CFAP77: variants seen among roughly 807,000 people sequenced by gnomAD.
CFAP77 encodes the protein cilia and flagella associated protein 77.
Under a neutral mutation model 31.1 loss-of-function variants are expected in CFAP77, and 25 were observed. The observed-to-expected ratio is 0.80, with a 90% CI of 0.59 to 1.12. The LOEUF is 1.12. Among genes scored for constraint, CFAP77 ranks in the 50% most tolerant of loss-of-function variants. The probability of loss-of-function intolerance (pLI) is 0.00; values close to 1 mark genes in which losing one functional copy is unlikely to be tolerated. For synonymous variants in CFAP77, 151 were observed against 159.9 expected, an observed-to-expected ratio of 0.94 and a Z score of 0.42; for missense variants, 377 against 397.3, an observed-to-expected ratio of 0.95 and a Z score of 0.44.
chr9:132,450,886 C>T (rs1204316671), intron 1 of CFAP77, among the ~76,000 whole-genome samples: 1 of 152,112 alleles, frequency 6.6e-6, no homozygotes, highest in Non-Finnish European at 1.5e-5. Context: ...GGGCAAGAAA[C>T]AAATGAATGG....
At chr9:132,483,878 A>C (rs748798178) in intron 1 of CFAP77, among the ~76,000 whole-genome samples, 17 of 151,632 alleles carry the variant, frequency 1.1e-4, no homozygotes, top group Non-Finnish European at 2.2e-4. Context: ...TAAGGGAGAA[A>C]GAGTTTCCTC....
chr9:132,529,701 C>T (rs1852404391), intron 3 of CFAP77, among the ~76,000 whole-genome samples: 1 of 151,428 alleles, frequency 6.6e-6, no homozygotes, highest in Admixed American at 6.6e-5. Flanking sequence ...TGGCAGGCAC[C>T]TGTAATCCCA....
At chr9:132,444,537 G>A (rs1298369087) in intron 1 of CFAP77, among the ~76,000 whole-genome samples, 1 of 152,182 alleles carries the variant, frequency 6.6e-6, no homozygotes, top group Non-Finnish European at 1.5e-5. Context: ...GGTGCCTGTG[G>A]TTAGATTCAA....
intron 1 of CFAP77, among the ~76,000 whole-genome samples, chr9:132,496,234 G>A (rs1282078718): frequency 6.6e-6 from 1 of 152,020 alleles, no homozygotes; most frequent in African/African-American, 2.4e-5. Flanking sequence ...ATAAAGATTA[G>A]ATCCCTTTCC....
At chr9:132,437,547 T>G (rs1410033938) in intron 1 of CFAP77, among the ~76,000 whole-genome samples, 2 of 144,996 alleles carry the variant, frequency 1.4e-5, no homozygotes, top group African/African-American at 2.6e-5. Flanking sequence ...TCTCACTCTG[T>G]CACCCAGGCT....
intron 1 of CFAP77, among the ~76,000 whole-genome samples, chr9:132,430,496 G>T (rs111644164): frequency 8.1e-4 from 123 of 152,262 alleles, no homozygotes; most frequent in African/African-American, 2.9e-3. Context: ...ATGCAGCCAA[G>T]AATGTTTCCA....
chr9:132,522,812 TGTTCG>T (rs1373225623), intron 3 of CFAP77, among the ~76,000 whole-genome samples: 1 of 152,222 alleles, frequency 6.6e-6, no homozygotes, highest in Non-Finnish European at 1.5e-5. Context: ...TCTGATCTGA[TGTTCG>T]GTGTGGACCT....
At chr9:132,438,541 A>ATATATATATATATATGTATTTTT in intron 1 of CFAP77, among the ~76,000 whole-genome samples, 4 of 108,154 alleles carry the variant, frequency 3.7e-5, no homozygotes, top group African/African-American at 1.6e-4. Flanking sequence ...ATATATATAT[A>ATATATATATATATATGTATTTTT]TTTTTTTTTT....
intron 1 of CFAP77, among the ~76,000 whole-genome samples, chr9:132,449,999 G>T (rs199568494): frequency 2.0e-5 from 3 of 152,084 alleles, no homozygotes; most frequent in African/African-American, 4.8e-5. Context: ...TGCAAGCTCC[G>T]CCTCCCGGGT....
chr9:132,529,780 C>T (rs1397863552), intron 3 of CFAP77, among the ~76,000 whole-genome samples: 3 of 150,114 alleles, frequency 2.0e-5, no homozygotes, highest in Non-Finnish European at 3.0e-5. Flanking sequence ...GAGCCAAGGT[C>T]GCACCACTGC....
chr9:132,530,707 T>G (rs752308801), intron 3 of CFAP77, among the ~76,000 whole-genome samples: 13 of 152,204 alleles, frequency 8.5e-5, no homozygotes, highest in Admixed American at 2.0e-4. Flanking sequence ...GTGTTCTCCC[T>G]GTCTATAGCT....
intron 5 of CFAP77, among the ~76,000 whole-genome samples, chr9:132,566,104 C>T (rs980475169): frequency 5.3e-5 from 8 of 152,104 alleles, no homozygotes; most frequent in East Asian, 1.9e-4. Context: ...TCCACAGGGT[C>T]GTGACCACAG....
chr9:132,444,974 CT>C (rs564127221), intron 1 of CFAP77, among the ~76,000 whole-genome samples: 238 of 133,738 alleles, frequency 1.8e-3, no homozygotes, highest in Middle Eastern at 7.8e-3. Context: ...TTCTTTCTTT[CT>C]TTTTTTTTTT....
intron 3 of CFAP77, among the ~76,000 whole-genome samples, chr9:132,519,778 AGATG>A (rs1268252199): frequency 3.8e-4 from 10 of 26,466 alleles, no homozygotes; most frequent in African/African-American, 8.0e-4. Flanking sequence ...ATGGGTGGAT[AGATG>A]GATGGATGGA....
intron 3 of CFAP77, among the ~76,000 whole-genome samples, chr9:132,534,279 T>C (rs1219116527): frequency 6.6e-6 from 1 of 152,138 alleles, no homozygotes. Flanking sequence ...CCACTAATTC[T>C]GTCATTCCTC....
At position 132,481,965 on chromosome 9, in the gene CFAP77, G is replaced by T. The variant is rs398088952; in HGVS notation, c.196-16730G>T. Among the ~76,000 whole-genome samples, 94 of 144,218 alleles carry T rather than the reference G, an allele frequency of 6.5e-4. 2 individuals are homozygous for T. Among genetic ancestry groups the T allele is most frequent in the Non-Finnish European group, 1.0e-3 (67 of 66,750 alleles). The allele number at this position is 144,218 out of a possible 152,430, so 94.6% of individuals were successfully genotyped here. A position where few individuals can be genotyped will look rare whatever the true frequency, so the allele number is the denominator to read the frequency against. On this transcript the variant is annotated intron_variant, in intron 1 of 5. Transcript: ENST00000393216. This position sits in a 1 kb window ranked among gnomAD's most constrained non-coding sequence, Gnocchi z 5.0. ...AGGAACAAGGGTTTATGGTTGGGGG[G>T]GGGGGGGGCGGCGGAACACTGAACA...
Position 132,410,612 on chromosome 9 carries a change from G to A in CFAP77, c.195+146G>A. The stretch of plus-strand genomic sequence containing the variant: ...CTCCAGCTCTGGTCCAGACAGGCCT[G>A]GACCCCCATGCAGGTCGCGTCGCCT... On this transcript the variant is annotated intron_variant, in intron 1 of 5. Transcript: ENST00000393216. The A allele has an allele frequency of 4.4e-6, 3 of 676,760 alleles. No individual in the cohort carries two copies. In the South Asian group the frequency reaches 6.8e-5, roughly 15 times the overall value. The allele number at this position is 676,760 out of a possible 1,614,324, so 41.9% of individuals were successfully genotyped here.
chr9:132,534,748 AC>A (rs1221860606), intron 3 of CFAP77, among the ~76,000 whole-genome samples: 1 of 152,192 alleles, frequency 6.6e-6, no homozygotes, highest in Non-Finnish European at 1.5e-5. Context: ...CAACCTCCAA[AC>A]TGCACAAGGA....
intron 1 of CFAP77, among the ~76,000 whole-genome samples, chr9:132,419,030 A>G (rs1476092322): frequency 6.6e-6 from 1 of 152,212 alleles, no homozygotes; most frequent in Non-Finnish European, 1.5e-5. Context: ...CAGTCACTCA[A>G]AGGCACGTCA....
Sources: gnomAD v4.1 joint callset for allele counts (sites outside exome capture counted in the v4.1 genomes callset) on GRCh38, gnomAD v4.1.1 for gene constraint, Gnocchi (gnomAD v3.1) non-coding constraint, MANE v1.5 for transcripts, NCBI Gene and HGNC (gene_info 2026-07-23, HGNC 2026-07-21) for gene names.